Variants in RSRC1 observed in about 807,000 individuals in gnomAD.
The protein encoded by RSRC1 is serine/Arginine-related protein 53.
A neutral mutation model predicts 49.1 loss-of-function variants in RSRC1; 39 were observed. The ratio of observed to expected loss-of-function variants is 0.79; its 90% CI spans 0.61 to 1.04. RSRC1 has a LOEUF of 1.04. Among genes scored for constraint, RSRC1 ranks in the 50% least tolerant of loss-of-function variants. The pLI is 0.00. For missense variants in RSRC1, 388 were observed against 402.4 expected, an observed-to-expected ratio of 0.96 and a Z score of 0.31; for synonymous variants, 143 against 130.8, an observed-to-expected ratio of 1.09 and a Z score of -0.63.
chr3:158,504,056 C>G (rs572071584), intron 7 of RSRC1, among the ~76,000 whole-genome samples: 1 of 152,330 alleles, frequency 6.6e-6, no homozygotes, highest in African/African-American at 2.4e-5. Flanking sequence ...CTTTCTGCTG[C>G]TTCTTCTACC....
intron 7 of RSRC1, among the ~76,000 whole-genome samples, chr3:158,515,235 A>T (rs1740446703): frequency 6.6e-6 from 1 of 152,018 alleles, no homozygotes; most frequent in African/African-American, 2.4e-5. Context: ...AGCGGCTGAT[A>T]TTGGTTGTTC....
rs1020005359 is a variant in RSRC1, at chr3:158,512,574, C to A, written c.653-24518C>A. Among the ~76,000 whole-genome samples the A allele has an allele frequency of 3.3e-5, 5 of 152,204 alleles. No homozygotes were observed. In the East Asian group the frequency reaches 9.7e-4, roughly 29 times the overall value. ...GATGCCTCTGGCTTTGTTCTTTTGG[C>A]TTAGGATTGACTTGGCGATGCGGGC... On this transcript the variant is annotated intron_variant, in intron 7 of 9. Transcript: ENST00000611884.
chr3:158,387,073 A>G (rs1733007149), intron 6 of RSRC1, among the ~76,000 whole-genome samples: 1 of 147,664 alleles, frequency 6.8e-6, no homozygotes, highest in African/African-American at 2.5e-5. Context: ...CATTTTCATT[A>G]AAAAAAAAGT....
chr3:158,172,584 C>G lies in RSRC1; in HGVS notation c.321-30488C>G, dbSNP rs111674439. 7.3e-3 allele frequency among the ~76,000 whole-genome samples: 1,104 copies of G among 152,150 alleles called. 18 individuals are homozygous for G. Among genetic ancestry groups the G allele is most frequent in the African/African-American group, 0.026 (1,070 of 41,498 alleles). ...TATCCTGACAATTGATTTAGTTGAC[C>G]CTTCTAGGTTAAAAAGGTTAGCTAG... On this transcript the variant is annotated intron_variant, in intron 3 of 9. Coordinates refer to ENST00000611884, the MANE Select transcript of RSRC1 (RefSeq NM_001271838.2).
intron 4 of RSRC1, among the ~76,000 whole-genome samples, chr3:158,222,958 G>T (rs1419426768): frequency 1.3e-5 from 2 of 151,546 alleles, no homozygotes; most frequent in African/African-American, 2.4e-5. Flanking sequence ...CCTCATTTCA[G>T]TAGTAATTTC....
At chr3:158,397,011 T>A (rs1406202248) in intron 6 of RSRC1, among the ~76,000 whole-genome samples, 1 of 152,166 alleles carries the variant, frequency 6.6e-6, no homozygotes, top group Non-Finnish European at 1.5e-5. Context: ...GTGATGCTCA[T>A]TATTTTACCC....
chr3:158,459,446 A>G (rs1737506875), intron 6 of RSRC1, among the ~76,000 whole-genome samples: 1 of 152,226 alleles, frequency 6.6e-6, no homozygotes, highest in East Asian at 1.9e-4. Flanking sequence ...TTTCAGTCTA[A>G]TGAGCCCTGC....
chr3:158,279,094 A>T (rs930533064), intron 4 of RSRC1, among the ~76,000 whole-genome samples: 1 of 152,142 alleles, frequency 6.6e-6, no homozygotes, highest in African/African-American at 2.4e-5. Context: ...TCTCATTTTG[A>T]TATGATTCTT....
intron 3 of RSRC1, among the ~76,000 whole-genome samples, chr3:158,144,096 G>A (rs1716923416): frequency 6.6e-6 from 1 of 152,150 alleles, no homozygotes. Flanking sequence ...ATTGTAAGTA[G>A]AATAAACACC....
At chr3:158,434,657 C>G (rs770437009) in intron 6 of RSRC1, among the ~76,000 whole-genome samples, 5 of 151,892 alleles carry the variant, frequency 3.3e-5, no homozygotes, top group Non-Finnish European at 4.4e-5. Context: ...ACCCAACTTG[C>G]AATGTGTGTT....
chr3:158,261,169 T>G (rs1724874394), intron 4 of RSRC1, among the ~76,000 whole-genome samples: 1 of 152,202 alleles, frequency 6.6e-6, no homozygotes, highest in South Asian at 2.1e-4. Flanking sequence ...ATGCTTTACT[T>G]TTTAACAGAT....
At chr3:158,124,820 C>CTTTT (rs35329457) in intron 3 of RSRC1, among the ~76,000 whole-genome samples, 2 of 120,566 alleles carry the variant, frequency 1.7e-5, no homozygotes, top group Non-Finnish European at 3.4e-5. Flanking sequence ...TTCTTTCTTT[C>CTTTT]TTTTTTTTTT....
intron 8 of RSRC1, among the ~76,000 whole-genome samples, chr3:158,541,584 C>G (rs1713033811): frequency 6.6e-6 from 1 of 152,002 alleles, no homozygotes; most frequent in South Asian, 2.1e-4. Context: ...CATATTTTAT[C>G]CTCTGTATAT....
chr3:158,336,830 C>T (rs1043045353), intron 5 of RSRC1: 15 of 152,158 alleles, frequency 9.9e-5, no homozygotes, highest in African/African-American at 3.4e-4. Context: ...CTGTGATATT[C>T]CTTATGTTCG....
At chr3:158,523,315 G>A (rs1190870222) in intron 7 of RSRC1, among the ~76,000 whole-genome samples, 2 of 151,968 alleles carry the variant, frequency 1.3e-5, no homozygotes, top group African/African-American at 4.8e-5. Context: ...TACATGAAAT[G>A]AAAACAACCT....
At chr3:158,542,226 G>C (rs979128799) in intron 8 of RSRC1, among the ~76,000 whole-genome samples, 1 of 152,256 alleles carries the variant, frequency 6.6e-6, no homozygotes, top group South Asian at 2.1e-4. Context: ...CTGCAACATG[G>C]ATGAACCTTA....
At chr3:158,375,893 G>T (rs1421124576) in intron 6 of RSRC1, among the ~76,000 whole-genome samples, 2 of 152,096 alleles carry the variant, frequency 1.3e-5, no homozygotes, top group South Asian at 2.1e-4. Flanking sequence ...CATATGCCAG[G>T]TATTCTTTTA....
intron 3 of RSRC1, among the ~76,000 whole-genome samples, chr3:158,198,008 G>C (rs860422): frequency 0.66 from 99,601 of 151,810 alleles, 32,922 homozygotes; most frequent in East Asian, 0.84. Context: ...CTATTAGGTC[G>C]GCTTGGTGCA....
At chr3:158,493,891 G>A (rs1286995522) in intron 7 of RSRC1, among the ~76,000 whole-genome samples, 1 of 152,128 alleles carries the variant, frequency 6.6e-6, no homozygotes, top group Non-Finnish European at 1.5e-5. Context: ...ATAAGGACTC[G>A]AGTATGGAGG....
Sources: allele counts gnomAD v4.1 joint callset (sites outside exome capture counted in the v4.1 genomes callset), GRCh38; gene constraint gnomAD v4.1.1; transcripts MANE v1.5; gene names NCBI Gene and HGNC (gene_info 2026-07-23, HGNC 2026-07-21).